Variants in PIK3CA observed in about 807,000 individuals in gnomAD.
The protein encoded by PIK3CA is phosphatidylinositol 4,5-bisphosphate 3-kinase catalytic subunit alpha isoform.
PIK3CA carries 27 observed loss-of-function variants against 138.2 expected under a neutral mutation model. That is an observed-to-expected ratio of 0.20 (90% confidence interval 0.14 to 0.27). PIK3CA has a LOEUF of 0.27. Ranked by LOEUF, PIK3CA falls within the 10% of genes least tolerant of loss-of-function variation. PIK3CA has a pLI of 1.00. For missense variants in PIK3CA, 544 were observed against 1,277.4 expected, an observed-to-expected ratio of 0.43 and a Z score of 8.75; for synonymous variants, 358 against 413.2, an observed-to-expected ratio of 0.87 and a Z score of 1.62.
chr3:179,153,286 T>C (rs771599865), intron 1 of PIK3CA, among the ~76,000 whole-genome samples: 2 of 152,210 alleles, frequency 1.3e-5, no homozygotes, highest in Non-Finnish European at 1.5e-5. Context: ...TATTGTGTTA[T>C]ATATATCACC....
intron 20 of PIK3CA, among the ~76,000 whole-genome samples, chr3:179,232,011 G>A (rs1300786579): frequency 6.6e-6 from 1 of 152,062 alleles, no homozygotes; most frequent in African/African-American, 2.4e-5. Flanking sequence ...CTGGATATTA[G>A]TCCTTTGTCA....
intron 9 of PIK3CA, among the ~76,000 whole-genome samples, chr3:179,216,874 T>C (rs1724847639): frequency 6.6e-6 from 1 of 152,130 alleles, no homozygotes; most frequent in African/African-American, 2.4e-5. Context: ...AAATCGAGGA[T>C]TGAGTATGTA....
At chr3:179,231,160 G>A (rs1438661737) in intron 20 of PIK3CA, among the ~76,000 whole-genome samples, 1 of 152,158 alleles carries the variant, frequency 6.6e-6, no homozygotes, top group East Asian at 1.9e-4. Flanking sequence ...TGGTGGAGTA[G>A]TATTCTGTGG....
intron 1 of PIK3CA, among the ~76,000 whole-genome samples, chr3:179,185,664 C>T (rs543112052): frequency 6.6e-6 from 1 of 152,178 alleles, no homozygotes; most frequent in Non-Finnish European, 1.5e-5. Context: ...TATAAATCAG[C>T]GTTCCCATGA....
rs2108388028 is a variant in PIK3CA at position 179,199,917 on chromosome 3, C to T, written c.562+18C>T. Reference sequence around the variant, plus strand: ...AGATAAAGGTAAGAAAATGACTAATCTACTCTAATCATTACTATAGTGCAG... The same window carrying T: ...AGATAAAGGTAAGAAAATGACTAATTTACTCTAATCATTACTATAGTGCAG... On this transcript the variant is annotated intron_variant, in intron 3 of 20. Transcript: ENST00000263967. 2.9e-6 allele frequency: 4 copies of T among 1,395,506 alleles called. No homozygotes were observed. The highest frequency in any genetic ancestry group is 4.1e-6 in the Non-Finnish European group (4 of 982,608). 86.4% of individuals were successfully genotyped at this position (1,395,506 alleles called of 1,614,324 possible).
At chr3:179,192,557 T>A (rs781180102) in intron 1 of PIK3CA, among the ~76,000 whole-genome samples, 2 of 152,236 alleles carry the variant, frequency 1.3e-5, no homozygotes, top group Non-Finnish European at 2.9e-5. Flanking sequence ...TGGGCACTTA[T>A]GCGGTTGATA....
Position 179,219,222 on chromosome 3 carries a change from T to C in PIK3CA, c.1691T>C (p.Ile564Thr). The change falls in exon 11 of 21, where the codon ATT becomes ACT. Residue 564 changes from isoleucine (I) to threonine (T), a missense_variant. Physicochemically the swap from Ile to Thr is moderately conservative, Grantham distance 89. This residue lies in a region of PIK3CA where 13 missense variants were observed against 16.1 expected (regional missense o/e 0.81). Coordinates refer to ENST00000263967, the MANE Select transcript of PIK3CA (RefSeq NM_006218.4). This position sits in a 1 kb window ranked among gnomAD's most constrained non-coding sequence, Gnocchi z 4.2. ...HRHYCVTIPE[I>T]LPKLLLSVKW... The stretch of plus-strand genomic sequence containing the variant: ...CACTATTGTGTAACTATCCCCGAAA[T>C]TCTACCCAAATTGCTTCTGTCTGTT... 6.2e-7 allele frequency: 1 copy of C among 1,605,036 alleles called. No homozygotes were observed. The highest frequency in any genetic ancestry group is 2.2e-5 in the East Asian group (1 of 44,698).
intron 1 of PIK3CA, among the ~76,000 whole-genome samples, chr3:179,198,160 T>C (rs751721761): frequency 1.3e-5 from 2 of 152,026 alleles, no homozygotes; most frequent in Admixed American, 6.6e-5. Flanking sequence ...ATCACCTAGA[T>C]AAGAATCAAT....
At chr3:179,207,450 A>C (rs1334385255) in intron 6 of PIK3CA, among the ~76,000 whole-genome samples, 1 of 152,188 alleles carries the variant, frequency 6.6e-6, no homozygotes, top group African/African-American at 2.4e-5. Flanking sequence ...GCTCTCTTAG[A>C]GTATAGAACA....
At chr3:179,165,487 G>T (rs1723395544) in intron 1 of PIK3CA, among the ~76,000 whole-genome samples, 1 of 152,196 alleles carries the variant, frequency 6.6e-6, no homozygotes, top group Admixed American at 6.5e-5. Flanking sequence ...GAACTCCTGG[G>T]CTTAAGTAGT....
chr3:179,166,682 C>T (rs984148343), intron 1 of PIK3CA, among the ~76,000 whole-genome samples: 1 of 152,160 alleles, frequency 6.6e-6, no homozygotes. Flanking sequence ...ACATTTTATT[C>T]TGCAACAATT....
intron 1 of PIK3CA, among the ~76,000 whole-genome samples, chr3:179,196,381 A>AT: frequency 6.6e-6 from 1 of 152,234 alleles, no homozygotes; most frequent in East Asian, 1.9e-4. Context: ...CATTCTTCAG[A>AT]TTTTTTGTAG....
chr3:179,205,065 G>T (rs1276827843), intron 6 of PIK3CA, among the ~76,000 whole-genome samples: 1 of 141,370 alleles, frequency 7.1e-6, no homozygotes, highest in African/African-American at 2.5e-5. Context: ...AATTAGCTAG[G>T]CACAGTGGCA....
intron 1 of PIK3CA, among the ~76,000 whole-genome samples, chr3:179,154,703 A>G (rs1723092573): frequency 6.6e-6 from 1 of 152,230 alleles, no homozygotes; most frequent in Non-Finnish European, 1.5e-5. Context: ...AATAATCACA[A>G]GTTGCATAAA....
intron 1 of PIK3CA, among the ~76,000 whole-genome samples, chr3:179,153,218 C>T (rs576471972): frequency 1.6e-4 from 24 of 152,270 alleles, no homozygotes; most frequent in African/African-American, 5.8e-4. Flanking sequence ...TTACAGATAT[C>T]AGCAGACTGA....
rs201238717 is a variant in PIK3CA at position 179,203,661 on chromosome 3, A to G, written c.931A>G (p.Ile311Val). Residue 311 changes from isoleucine to valine, a missense_variant, in exon 5 of 21, where the codon ATT becomes GTT. By Grantham distance (29) the Ile-to-Val change is conservative. Coordinates refer to ENST00000263967, the MANE Select transcript of PIK3CA (RefSeq NM_006218.4). ...TACAATGCCATCTTATTCCAGACGC[A>G]TTTCCACAGCTACACCATATATGAA... ...CFTMPSYSRR[I>V]STATPYMNGE... The G allele has an allele frequency of 1.5e-5, 25 of 1,613,852 alleles. No individual in the cohort carries two copies. Among genetic ancestry groups the G allele is most frequent in the Non-Finnish European group, 1.9e-5 (22 of 1,179,988 alleles).
intron 1 of PIK3CA, among the ~76,000 whole-genome samples, chr3:179,149,086 C>G (rs1488832423): frequency 6.6e-6 from 1 of 152,158 alleles, no homozygotes; most frequent in Non-Finnish European, 1.5e-5. Context: ...GCCTGGCGGC[C>G]CTGCGTTTGC....
At chr3:179,161,772 C>T (rs555535662) in intron 1 of PIK3CA, among the ~76,000 whole-genome samples, 19 of 152,272 alleles carry the variant, frequency 1.2e-4, no homozygotes, top group African/African-American at 4.3e-4. Flanking sequence ...GCTTGTAATT[C>T]CAAATGTTCC....
chr3:179,193,677 A>G (rs1283732618), intron 1 of PIK3CA, among the ~76,000 whole-genome samples: 1 of 152,244 alleles, frequency 6.6e-6, no homozygotes, highest in Non-Finnish European at 1.5e-5. Flanking sequence ...GGACTGCTCT[A>G]TTTTGAACAG....
Sources: gnomAD v4.1 joint callset for allele counts (sites outside exome capture counted in the v4.1 genomes callset) on GRCh38, gnomAD v4.1.1 for gene constraint, gnomAD v4.1.1 regional missense constraint, Gnocchi (gnomAD v3.1) non-coding constraint, MANE v1.5 for transcripts, NCBI Gene and HGNC (gene_info 2026-07-23, HGNC 2026-07-21) for gene names.